The following RYR2 variants were observed in gnomAD, a reference collection of about 807,000 sequenced individuals.
The protein encoded by RYR2 is ryanodine receptor 2.
RYR2 carries 227 observed loss-of-function variants against 601.1 expected under a neutral mutation model. The ratio of observed to expected loss-of-function variants is 0.38; its 90% confidence interval spans 0.34 to 0.42. The LOEUF (loss-of-function observed/expected upper bound fraction) is 0.42. RYR2 is among the 10% of genes least tolerant of loss of function. RYR2 has a pLI of 1.00. For synonymous variants in RYR2, 2,223 were observed against 2,175.1 expected (o/e 1.02, Z -0.61); for missense variants, 4,646 against 6,156.5 (o/e 0.75, Z 8.21).
At position 237,124,391 on chromosome 1, in the gene RYR2, GT is replaced by G. The variant is rs1159152297; in HGVS notation, c.48+81824del. Among the ~76,000 whole-genome samples the G allele has an allele frequency of 4.6e-5, 7 of 152,168 alleles. No individual in the cohort carries two copies. The East Asian group carries it at 5.8e-4, about 13-fold the overall frequency. ...GAGCCCACTGTGTTAGTTTTTTATT[GT>G]TGCTATAATACATTAACACATATTT... On this transcript the variant is annotated intron_variant, in intron 1 of 104. Coordinates refer to ENST00000366574, the MANE Select transcript of RYR2 (RefSeq NM_001035.3).
intron 16 of RYR2, among the ~76,000 whole-genome samples, chr1:237,466,658 T>A (rs1347034165): frequency 6.6e-6 from 1 of 152,032 alleles, no homozygotes; most frequent in Non-Finnish European, 1.5e-5. Flanking sequence ...GTTTTACTGA[T>A]GTTTATTTGA....
intron 101 of RYR2, among the ~76,000 whole-genome samples, chr1:237,822,829 A>G (rs1662663342): frequency 6.6e-6 from 1 of 152,240 alleles, no homozygotes. Flanking sequence ...AAAGGGACTG[A>G]GGAATATTTA....
chr1:237,786,098 G>C, intron 91 of RYR2, 62 bp downstream of exon 91: 1 of 1,046,172 alleles, frequency 9.6e-7, no homozygotes, highest in Non-Finnish European at 1.4e-6. Context: ...TCTTTTTCTT[G>C]TACTCTGTCT....
At chr1:237,556,842 T>C (rs563922648) in intron 27 of RYR2, among the ~76,000 whole-genome samples, 2 of 138,242 alleles carry the variant, frequency 1.4e-5, no homozygotes, top group South Asian at 2.4e-4. Flanking sequence ...ATATTAGTTA[T>C]CTATTCCTGT....
chr1:237,438,883 G>A (rs909674728), intron 12 of RYR2, among the ~76,000 whole-genome samples: 1 of 152,168 alleles, frequency 6.6e-6, no homozygotes. Context: ...ATTCTTAAAA[G>A]GATTTTTTCC....
At position 237,611,267 on chromosome 1, in the gene RYR2, G is replaced by A. The variant is rs537834189; in HGVS notation, c.4910+279G>A. 5.9e-5 allele frequency among the ~76,000 whole-genome samples: 9 copies of A among 152,220 alleles called. No homozygotes were observed. The South Asian group carries it at 8.3e-4, about 14-fold the overall frequency. ...TTGCGTTACTTACAATGACAATGGC[G>A]AATAAAAATTCAGACAAGTGCAACT... On this transcript the variant is annotated intron_variant, in intron 36 of 104. Coordinates refer to ENST00000366574, the MANE Select transcript of RYR2 (RefSeq NM_001035.3).
At chr1:237,494,382 AAAGATG>A (rs1376445641) in intron 19 of RYR2, among the ~76,000 whole-genome samples, 2 of 152,140 alleles carry the variant, frequency 1.3e-5, no homozygotes. Flanking sequence ...AGCACGGGAG[AAAGATG>A]AAGGATGGAA....
chr1:237,524,899 T>C (rs1460158357), intron 24 of RYR2, among the ~76,000 whole-genome samples: 1 of 152,156 alleles, frequency 6.6e-6, no homozygotes, highest in Non-Finnish European at 1.5e-5. Context: ...TTACTTAAAG[T>C]GCACTATACT....
At chr1:237,156,602 G>T (rs1675360284) in intron 1 of RYR2, among the ~76,000 whole-genome samples, 3 of 152,166 alleles carry the variant, frequency 2.0e-5, no homozygotes, top group South Asian at 2.1e-4. Flanking sequence ...TATACTAAGT[G>T]GTAGGGATGG....
intron 84 of RYR2, among the ~76,000 whole-genome samples, chr1:237,768,850 G>T (rs758563053): frequency 5.9e-5 from 9 of 152,120 alleles, no homozygotes; most frequent in African/African-American, 2.2e-4. Flanking sequence ...GGCCTGACTC[G>T]TCCCCTCCCT....
intron 2 of RYR2, among the ~76,000 whole-genome samples, chr1:237,305,468 G>A (rs1220013067): frequency 6.6e-6 from 1 of 152,200 alleles, no homozygotes; most frequent in East Asian, 1.9e-4. Flanking sequence ...GTCTCACTCT[G>A]TCACCCAGGC....
intron 80 of RYR2, among the ~76,000 whole-genome samples, chr1:237,755,958 T>G (rs1323278462): frequency 6.6e-6 from 1 of 152,152 alleles, no homozygotes; most frequent in Admixed American, 6.5e-5. Context: ...TGCACAAATG[T>G]ATAAATCAGA....
intron 17 of RYR2, among the ~76,000 whole-genome samples, chr1:237,479,404 T>C (rs1000273203): frequency 6.6e-6 from 1 of 152,210 alleles, no homozygotes; most frequent in Non-Finnish European, 1.5e-5. Flanking sequence ...CCTTTATTTG[T>C]TTTCTTTGCG....
intron 13 of RYR2, among the ~76,000 whole-genome samples, chr1:237,442,686 A>G (rs1708015992): frequency 1.3e-5 from 2 of 152,058 alleles, no homozygotes; most frequent in South Asian, 4.1e-4. Context: ...TTTTTCCTGT[A>G]GCATCGAGTT....
intron 34 of RYR2, among the ~76,000 whole-genome samples, chr1:237,596,445 A>G (rs1237380908): frequency 6.6e-6 from 1 of 152,212 alleles, no homozygotes; most frequent in Non-Finnish European, 1.5e-5. Context: ...GACTAGATCA[A>G]GCATAAGAAA....
chr1:237,537,091 G>A (rs77131668), intron 25 of RYR2, among the ~76,000 whole-genome samples: 5 of 152,172 alleles, frequency 3.3e-5, no homozygotes, highest in African/African-American at 1.2e-4. Context: ...CCCCCACCAA[G>A]TGAGAAAAAA....
chr1:237,256,935 C>T (rs2149295920), intron 1 of RYR2, among the ~76,000 whole-genome samples: 1 of 152,292 alleles, frequency 6.6e-6, no homozygotes, highest in East Asian at 1.9e-4. Context: ...TTCTCTTTCT[C>T]ACCTCACCAT....
chr1:237,338,556 A>G (rs769757794), intron 3 of RYR2, among the ~76,000 whole-genome samples: 11 of 152,246 alleles, frequency 7.2e-5, no homozygotes, highest in Non-Finnish European at 8.8e-5. Context: ...CTAAGCCATG[A>G]ATACAAAATA....
intron 36 of RYR2, 91 bp downstream of exon 36, chr1:237,611,079 G>A: frequency 9.7e-7 from 1 of 1,032,390 alleles, no homozygotes; most frequent in South Asian, 1.7e-5. Context: ...GGGCAGGGGT[G>A]GTTCTAAAGA....
Sources: allele counts gnomAD v4.1 joint callset (sites outside exome capture counted in the v4.1 genomes callset), GRCh38; gene constraint gnomAD v4.1.1; transcripts MANE v1.5; gene names NCBI Gene and HGNC (gene_info 2026-07-23, HGNC 2026-07-21).